The following SLC22A15 variants were observed in gnomAD, a reference collection of about 807,000 sequenced individuals.
SLC22A15 encodes the protein flipt 1.
In SLC22A15, 45 loss-of-function variants were observed where a neutral mutation model predicts 62.7. That is an observed-to-expected ratio of 0.72 (90% CI 0.56 to 0.92). SLC22A15 has a LOEUF of 0.92. SLC22A15 is among the 40% of genes least tolerant of loss of function. The pLI is 0.00. For missense variants in SLC22A15, 622 were observed against 665.6 expected (o/e 0.93, Z 0.72); for synonymous variants, 264 against 267.0 (o/e 0.99, Z 0.11).
chr1:115,985,584 GT>G (rs200983456), intron 1 of SLC22A15, among the ~76,000 whole-genome samples: 58 of 148,466 alleles, frequency 3.9e-4, no homozygotes, highest in African/African-American at 1.3e-3. Flanking sequence ...TTACAATTTT[GT>G]TTTTTTTTTA....
chr1:115,985,608 TGAA>T (rs1414747221), intron 1 of SLC22A15, among the ~76,000 whole-genome samples: 2 of 152,012 alleles, frequency 1.3e-5, no homozygotes, highest in Non-Finnish European at 2.9e-5. Flanking sequence ...ATTAAACCAT[TGAA>T]GAAGAAGGGA....
chr1:116,040,278 TCTC>T (rs1251365228), intron 8 of SLC22A15, among the ~76,000 whole-genome samples: 1 of 152,216 alleles, frequency 6.6e-6, no homozygotes, highest in Non-Finnish European at 1.5e-5. Flanking sequence ...AAGTAAATGT[TCTC>T]CTCTGGGAGT....
intron 1 of SLC22A15, among the ~76,000 whole-genome samples, chr1:115,980,940 T>C (rs2101047880): frequency 6.6e-6 from 1 of 152,326 alleles, no homozygotes; most frequent in Middle Eastern, 3.4e-3. Context: ...TTTTTAAAAA[T>C]CAATATTCCT....
At position 115,992,601 on chromosome 1, in the gene SLC22A15, A is replaced by G. The variant is rs1007943242; in HGVS notation, c.300+358A>G. Among the ~76,000 whole-genome samples the G allele has an allele frequency of 1.1e-4, 16 of 149,596 alleles. No individual in the cohort carries two copies. In the East Asian group the frequency reaches 1.8e-3, roughly 17 times the overall value. ...GGAAATGTAACGATTCATATATAACACCCATAGTTCTTTTTTTCTTTTCTT... is the reference window on the plus strand; with the variant it reads ...GGAAATGTAACGATTCATATATAACGCCCATAGTTCTTTTTTTCTTTTCTT... On this transcript the variant is annotated intron_variant, in intron 2 of 11. Transcript: ENST00000369503.
chr1:115,976,872 G>A (rs1195635035), intron 1 of SLC22A15, among the ~76,000 whole-genome samples, 158 bp downstream of exon 1: 1 of 152,086 alleles, frequency 6.6e-6, no homozygotes, highest in Non-Finnish European at 1.5e-5. Context: ...GCGAGGCGCC[G>A]CGCGGTGGCC....
intron 6 of SLC22A15, 178 bp downstream of exon 6, chr1:116,031,759 T>G: frequency 7.0e-7 from 1 of 1,429,968 alleles, no homozygotes; most frequent in Non-Finnish European, 9.1e-7. Context: ...CGCAGCCCCG[T>G]CTTTCTCAAG....
At chr1:115,981,621 TAGAC>T (rs1211124180) in intron 1 of SLC22A15, among the ~76,000 whole-genome samples, 7 of 152,174 alleles carry the variant, frequency 4.6e-5, no homozygotes, top group African/African-American at 1.2e-4. Context: ...GTTGATCTAT[TAGAC>T]AGATTTTCCT....
intron 4 of SLC22A15, among the ~76,000 whole-genome samples, chr1:116,026,655 A>G (rs759857988): frequency 6.6e-6 from 1 of 152,188 alleles, no homozygotes; most frequent in African/African-American, 2.4e-5. Context: ...ATCCCCATAT[A>G]GTTTGTATTT....
chr1:116,066,517 C>A lies in SLC22A15; in HGVS notation c.1366-3C>A, dbSNP rs1480154377. 1 of 1,587,554 alleles carries A rather than the reference C, an allele frequency of 6.3e-7. No homozygotes were observed. Among genetic ancestry groups the A allele is most frequent in the East Asian group, 2.3e-5 (1 of 44,122 alleles). ...ATTTTCATTCCACTCCCCGCCTCTG[C>A]AGAAATATGTGCAATGGTCTTTACC... On this transcript the variant is annotated splice_region_variant and splice_polypyrimidine_tract_variant and intron_variant, in intron 10 of 11. Coordinates refer to ENST00000369503, the MANE Select transcript of SLC22A15 (RefSeq NM_018420.3).
At chr1:116,020,676 T>C (rs772550328) in intron 3 of SLC22A15, 45 bp from the exon 4 acceptor site, 1 of 1,452,706 alleles carries the variant, frequency 6.9e-7, no homozygotes, top group East Asian at 2.4e-5. Context: ...TTTCATCAAA[T>C]GCTATTTTGC....
At chr1:115,984,310 G>A (rs573757657) in intron 1 of SLC22A15, among the ~76,000 whole-genome samples, 30 of 152,090 alleles carry the variant, frequency 2.0e-4, no homozygotes, top group Non-Finnish European at 3.7e-4. Flanking sequence ...CTCCTTAGCA[G>A]CCTTTACTAC....
chr1:116,058,992 A>T (rs1557909249), intron 8 of SLC22A15, among the ~76,000 whole-genome samples: 1 of 152,180 alleles, frequency 6.6e-6, no homozygotes, highest in Non-Finnish European at 1.5e-5. Context: ...AAAGACTACA[A>T]ATAGGGTGCA....
chr1:116,002,952 C>T (rs924711018), intron 2 of SLC22A15, among the ~76,000 whole-genome samples: 6 of 152,044 alleles, frequency 3.9e-5, no homozygotes, highest in Non-Finnish European at 7.3e-5. Flanking sequence ...TGTGCTGGAT[C>T]ACACCTGAAG....
intron 8 of SLC22A15, among the ~76,000 whole-genome samples, chr1:116,058,658 C>G (rs866338050): frequency 6.6e-6 from 1 of 152,202 alleles, no homozygotes; most frequent in African/African-American, 2.4e-5. Flanking sequence ...AAAAAAGATA[C>G]TTGCACATGC....
chr1:115,985,177 A>G (rs563241348), intron 1 of SLC22A15, among the ~76,000 whole-genome samples: 2 of 152,328 alleles, frequency 1.3e-5, no homozygotes, highest in East Asian at 1.9e-4. Context: ...TGTCCTTTAC[A>G]GGTGTACCAT....
intron 1 of SLC22A15, among the ~76,000 whole-genome samples, chr1:115,990,169 T>TAG (rs1655078498): frequency 6.6e-6 from 1 of 152,184 alleles, no homozygotes; most frequent in African/African-American, 2.4e-5. Context: ...GAGGAGGTGA[T>TAG]ATCTGTGTTG....
chr1:116,064,797 T>A (rs2101577169), intron 10 of SLC22A15, among the ~76,000 whole-genome samples: 1 of 152,276 alleles, frequency 6.6e-6, no homozygotes, highest in Non-Finnish European at 1.5e-5. Flanking sequence ...AATAAGTATG[T>A]ATGACACTTC....
At chr1:115,991,536 A>T (rs896569749) in intron 1 of SLC22A15, among the ~76,000 whole-genome samples, 1 of 152,182 alleles carries the variant, frequency 6.6e-6, no homozygotes, top group Admixed American at 6.5e-5. Flanking sequence ...AAACAATACA[A>T]TATATATTGT....
At chr1:116,033,761 C>G (rs1557899234) in intron 6 of SLC22A15, among the ~76,000 whole-genome samples, 1 of 152,082 alleles carries the variant, frequency 6.6e-6, no homozygotes, top group Non-Finnish European at 1.5e-5. Context: ...ATGCAAGATA[C>G]CTGGGAGACA....
Sources: gnomAD v4.1 joint callset for allele counts (sites outside exome capture counted in the v4.1 genomes callset) on GRCh38, gnomAD v4.1.1 for gene constraint, MANE v1.5 for transcripts, NCBI Gene and HGNC (gene_info 2026-07-23, HGNC 2026-07-21) for gene names.